Variants in CTPS2 observed in about 807,000 individuals in gnomAD.
CTPS2 encodes CTP synthase 2.
In CTPS2, 19 loss-of-function variants were observed where a neutral mutation model predicts 46.8. The ratio of observed to expected loss-of-function variants is 0.41; its 90% CI spans 0.28 to 0.60. The LOEUF is 0.60. Ranked by LOEUF, CTPS2 falls within the 20% of genes least tolerant of loss-of-function variation. The pLI, the probability that CTPS2 is intolerant of heterozygous loss-of-function variation, is 0.35. For synonymous variants in CTPS2, 151 were observed against 165.2 expected (o/e 0.91, Z 0.66); for missense variants, 286 against 447.6 (o/e 0.64, Z 3.26).
chrX:16,591,330 G>A (rs1928889215), intron 17 of CTPS2, among the ~76,000 whole-genome samples: 1 of 111,262 alleles, frequency 9.0e-6, no homozygotes, highest in Non-Finnish European at 1.9e-5. Flanking sequence ...TCATACTAGG[G>A]ACTAAACCTC....
chrX:16,638,148 G>A (rs1288206403), intron 14 of CTPS2, among the ~76,000 whole-genome samples: 2 of 109,286 alleles, frequency 1.8e-5, no homozygotes, highest in African/African-American at 6.7e-5. Flanking sequence ...CCAGCTACTC[G>A]GGAGGCTGAG....
chrX:16,693,245 G>A (rs771279505), intron 5 of CTPS2, 21 bp from the exon 6 acceptor site: 113 of 1,160,429 alleles, frequency 9.7e-5, no homozygotes, highest in Middle Eastern at 2.3e-4. Context: ...ATGGGGTCCC[G>A]TCAGCACACT....
At position 16,701,285 on chromosome X, in the gene CTPS2, A is replaced by G. The variant is rs527365944; in HGVS notation, c.166+1452T>C. Among the ~76,000 whole-genome samples the G allele has an allele frequency of 3.6e-5, 4 of 112,075 alleles. No homozygotes were observed. The South Asian group carries it at 1.5e-3, about 41-fold the overall frequency. ...TGGTGCAGTGGCTCATGCCTGTTGC[A>G]GTGGCTCATGCCTGTAATACCACCA... On this transcript the variant is annotated intron_variant, in intron 2 of 18. Transcript: ENST00000359276.
intron 13 of CTPS2, among the ~76,000 whole-genome samples, chrX:16,661,484 G>A (rs1183296787): frequency 8.0e-5 from 9 of 111,858 alleles, no homozygotes; most frequent in African/African-American, 2.6e-4. Flanking sequence ...ATATGAAGTT[G>A]TTGAAAAATA....
At chrX:16,641,280 C>A (rs764861706) in intron 13 of CTPS2, among the ~76,000 whole-genome samples, 1 of 112,230 alleles carries the variant, frequency 8.9e-6, no homozygotes, top group South Asian at 3.7e-4. Context: ...GGATAACCTC[C>A]CCTAATTTCT....
intron 17 of CTPS2, among the ~76,000 whole-genome samples, chrX:16,605,128 T>C (rs1929897266): frequency 9.0e-6 from 1 of 111,596 alleles, no homozygotes; most frequent in South Asian, 3.8e-4. Flanking sequence ...TTATACAATG[T>C]GATCTATGGT....
intron 16 of CTPS2, among the ~76,000 whole-genome samples, 186 bp from the exon 17 acceptor site, chrX:16,609,871 C>A (rs1279244721): frequency 5.3e-5 from 6 of 112,272 alleles, no homozygotes; most frequent in Admixed American, 9.5e-5. Context: ...TAAAACACAT[C>A]TTGGAAATTT....
At chrX:16,601,200 G>A (rs773061063) in intron 17 of CTPS2, among the ~76,000 whole-genome samples, 41 of 111,355 alleles carry the variant, frequency 3.7e-4, no homozygotes, top group Non-Finnish European at 2.6e-4. Context: ...CAGAATGTCG[G>A]ATTTGTGCAA....
intron 16 of CTPS2, among the ~76,000 whole-genome samples, chrX:16,614,689 G>C (rs1185701549): frequency 9.0e-6 from 1 of 111,404 alleles, no homozygotes; most frequent in Non-Finnish European, 1.9e-5. Context: ...GGAGGGAAGA[G>C]GCCTTGAGCC....
chrX:16,687,809 G>T (rs1923358620), intron 8 of CTPS2, among the ~76,000 whole-genome samples: 1 of 111,509 alleles, frequency 9.0e-6, no homozygotes, highest in African/African-American at 3.3e-5. Flanking sequence ...CAGTAATTTT[G>T]TCACCATCAT....
chrX:16,690,484 G>A (rs1051743954), intron 7 of CTPS2, among the ~76,000 whole-genome samples: 1 of 111,493 alleles, frequency 9.0e-6, no homozygotes, highest in African/African-American at 3.3e-5. Context: ...TTCAGACTTC[G>A]GCAATGACTC....
At chrX:16,626,467 T>A (rs753338202) in intron 14 of CTPS2, among the ~76,000 whole-genome samples, 8 of 111,430 alleles carry the variant, frequency 7.2e-5, no homozygotes, top group African/African-American at 2.6e-4. Context: ...AGTTTCTAGT[T>A]TTGCAAGATG....
intron 11 of CTPS2, among the ~76,000 whole-genome samples, chrX:16,670,059 T>TAA (rs11451972): frequency 7.6e-4 from 75 of 98,100 alleles, no homozygotes; most frequent in Middle Eastern, 5.1e-3. Flanking sequence ...CTCCATCTCT[T>TAA]AAAAAAAAAA....
rs58579183 is a variant in CTPS2, at chrX:16,668,578, C to T, written c.1190-854G>A. The stretch of plus-strand genomic sequence containing the variant: ...CCAGCCTGGGCGACAGAGCGAGACT[C>T]TGTCTCAAAAAAAAAGAAAATAAAA... On this transcript the variant is annotated intron_variant, in intron 11 of 18. Transcript: ENST00000359276. Among the ~76,000 whole-genome samples, 214 of 99,599 alleles carry T rather than the reference C, an allele frequency of 2.1e-3. 1 individual carries two copies. The highest frequency in any genetic ancestry group is 7.6e-3 in the African/African-American group (204 of 26,781). 86.5% of individuals were successfully genotyped at this position (99,599 alleles called of 115,157 possible). A position where few individuals can be genotyped will look rare whatever the true frequency, so the allele number is the denominator to read the frequency against.
intron 4 of CTPS2, among the ~76,000 whole-genome samples, chrX:16,694,251 C>T (rs1228979672): frequency 1.8e-5 from 2 of 112,015 alleles, no homozygotes; most frequent in Non-Finnish European, 3.8e-5. Context: ...TGCACTGAGT[C>T]TCCAATGCCA....
At chrX:16,698,802 C>T in intron 3 of CTPS2, 121 bp downstream of exon 3, 1 of 614,695 alleles carries the variant, frequency 1.6e-6, no homozygotes, top group African/African-American at 2.3e-5. Flanking sequence ...CCACTGGCCT[C>T]AGCCTCCCAA....
intron 1 of CTPS2, among the ~76,000 whole-genome samples, chrX:16,707,212 T>C (rs1925095987): frequency 8.9e-6 from 1 of 111,737 alleles, no homozygotes; most frequent in Non-Finnish European, 1.9e-5. Flanking sequence ...TTGATTTTCT[T>C]TACTTTGAGT....
At chrX:16,599,784 CT>C (rs1428105974) in intron 17 of CTPS2, among the ~76,000 whole-genome samples, 103 of 86,560 alleles carry the variant, frequency 1.2e-3, no homozygotes, top group Non-Finnish European at 2.1e-3. Flanking sequence ...CACCCCCCCC[CT>C]TTTTTTTTCT....
At chrX:16,614,372 A>G (rs1282326013) in intron 16 of CTPS2, among the ~76,000 whole-genome samples, 3 of 112,531 alleles carry the variant, frequency 2.7e-5, no homozygotes, top group Non-Finnish European at 5.6e-5. Flanking sequence ...GAGACCATGT[A>G]AATTTAGTTT....
Sources: gnomAD v4.1 joint callset for allele counts (sites outside exome capture counted in the v4.1 genomes callset) on GRCh38, gnomAD v4.1.1 for gene constraint, MANE v1.5 for transcripts, NCBI Gene and HGNC (gene_info 2026-07-23, HGNC 2026-07-21) for gene names.